RBM46: variants seen among roughly 807,000 people sequenced by gnomAD.
The protein encoded by RBM46 is probable RNA-binding protein 46.
Under a neutral mutation model 43.3 loss-of-function variants are expected in RBM46, and 12 were observed. The ratio of observed to expected loss-of-function variants is 0.28; its 90% CI spans 0.18 to 0.45. RBM46 has a LOEUF of 0.45. RBM46 is among the 20% of genes least tolerant of loss of function. The pLI is 1.00. For synonymous variants in RBM46, 205 were observed against 207.6 expected, an observed-to-expected ratio of 0.99 and a Z score of 0.11; for missense variants, 412 against 639.1, an observed-to-expected ratio of 0.64 and a Z score of 3.83.
chr4:154,818,831 G>C (rs961427460), intron 4 of RBM46, among the ~76,000 whole-genome samples: 1 of 151,908 alleles, frequency 6.6e-6, no homozygotes. Context: ...TTTTTTATCT[G>C]TAAAAAATTT....
rs542273055 is a variant in RBM46, at chr4:154,798,165, T to C, written c.506T>C (p.Val169Ala). 59 of 1,613,850 alleles carry C rather than the reference T, an allele frequency of 3.7e-5. 2 individuals carry two copies. In the South Asian group the frequency reaches 6.4e-4, roughly 17 times the overall value. ...DEMKKVTEGV[V>A]DVIVYPSATD... ...ATGAAGAAAGTTACAGAAGGAGTTG[T>C]AGATGTCATTGTTTATCCAAGTGCA... The change falls in exon 3 of 5, where the codon GTA (valine) becomes GCA (alanine). Residue 169 changes from valine to alanine, a missense_variant. This residue lies in a region of RBM46 where 48 missense variants were observed against 78.9 expected (regional missense o/e 0.61). Coordinates refer to ENST00000281722, the MANE Select transcript of RBM46 (RefSeq NM_144979.5).
intron 4 of RBM46, chr4:154,827,599 CT>C (rs1736024526): frequency 8.5e-7 from 1 of 1,178,190 alleles, no homozygotes; most frequent in East Asian, 4.4e-5. Context: ...ATAATCAAAA[CT>C]CCAAGAAATA....
At chr4:154,789,451 G>T (rs1260974237) in intron 1 of RBM46, among the ~76,000 whole-genome samples, 1 of 152,138 alleles carries the variant, frequency 6.6e-6, no homozygotes, top group South Asian at 2.1e-4. Flanking sequence ...TTTGTCTTTG[G>T]TTCTGTTTAT....
At chr4:154,825,823 G>T (rs545630887) in intron 4 of RBM46, among the ~76,000 whole-genome samples, 1 of 152,268 alleles carries the variant, frequency 6.6e-6, no homozygotes, top group African/African-American at 2.4e-5. Flanking sequence ...GATACCTTCA[G>T]TATCCACATT....
intron 2 of RBM46, 66 bp from the exon 3 acceptor site, chr4:154,797,744 AT>A: frequency 9.1e-7 from 1 of 1,097,310 alleles, no homozygotes; most frequent in Non-Finnish European, 1.3e-6. Flanking sequence ...TTGAATGAAT[AT>A]ATGATTGAAT....
intron 4 of RBM46, among the ~76,000 whole-genome samples, chr4:154,800,224 A>C (rs1435724154): frequency 6.6e-6 from 1 of 152,136 alleles, no homozygotes; most frequent in Non-Finnish European, 1.5e-5. Context: ...TCATTAAACC[A>C]ATTTATTATA....
chr4:154,790,150 T>C (rs1031962736), intron 1 of RBM46: 11 of 152,216 alleles, frequency 7.2e-5, no homozygotes. Flanking sequence ...TTTTGAAGGT[T>C]TTTTTGTGTC....
At chr4:154,809,067 T>TAGAC (rs10644795) in intron 4 of RBM46, among the ~76,000 whole-genome samples, 86,443 of 151,496 alleles carry the variant, frequency 0.57, 27,135 homozygotes, top group African/African-American at 0.82. Flanking sequence ...ACTTAGTAGA[T>TAGAC]TTAAGATTTT....
At chr4:154,787,769 A>G (rs1185115250) in intron 1 of RBM46, among the ~76,000 whole-genome samples, 3 of 152,220 alleles carry the variant, frequency 2.0e-5, no homozygotes, top group Admixed American at 1.3e-4. Flanking sequence ...ACTGTCTTCC[A>G]CAATGGTTGA....
chr4:154,801,236 C>T (rs1050701551), intron 4 of RBM46, among the ~76,000 whole-genome samples: 5 of 152,112 alleles, frequency 3.3e-5, no homozygotes, highest in Non-Finnish European at 7.4e-5. Context: ...TCCTCAGCCT[C>T]CCAAAGTATA....
intron 4 of RBM46, among the ~76,000 whole-genome samples, chr4:154,813,797 A>C (rs1735298543): frequency 6.6e-6 from 1 of 152,090 alleles, no homozygotes; most frequent in Non-Finnish European, 1.5e-5. Context: ...AGGTGCTAAT[A>C]TAGCAGGCTT....
chr4:154,819,313 A>G (rs575006332), intron 4 of RBM46, among the ~76,000 whole-genome samples: 12 of 152,290 alleles, frequency 7.9e-5, no homozygotes, highest in African/African-American at 2.9e-4. Flanking sequence ...AGTTCCAGTC[A>G]TTCCTTGTTA....
intron 4 of RBM46, among the ~76,000 whole-genome samples, chr4:154,809,069 T>TAGAC: frequency 7.6e-6 from 1 of 130,806 alleles, no homozygotes; most frequent in East Asian, 2.4e-4. Context: ...TTAGTAGATT[T>TAGAC]AAGATTTTTA....
intron 4 of RBM46, among the ~76,000 whole-genome samples, chr4:154,823,206 G>A (rs1223252903): frequency 6.6e-5 from 10 of 151,944 alleles, no homozygotes; most frequent in African/African-American, 2.4e-4. Flanking sequence ...GTCCAGAATA[G>A]GCAAGTCTGT....
At chr4:154,824,262 T>C (rs923879273) in intron 4 of RBM46, among the ~76,000 whole-genome samples, 8 of 152,058 alleles carry the variant, frequency 5.3e-5, no homozygotes, top group African/African-American at 1.9e-4. Context: ...TCTCATATCT[T>C]ACTGGTGTGA....
intron 1 of RBM46, chr4:154,781,736 G>C (rs910548620): frequency 1.3e-5 from 2 of 153,038 alleles, no homozygotes; most frequent in Non-Finnish European, 1.5e-5. Context: ...GCGGCGCCCT[G>C]CGCTCTCCGC....
intron 4 of RBM46, among the ~76,000 whole-genome samples, chr4:154,822,929 A>G (rs1391862908): frequency 6.6e-6 from 1 of 151,872 alleles, no homozygotes; most frequent in Admixed American, 6.6e-5. Flanking sequence ...CTAGTTACTT[A>G]CTAAAGAGAA....
intron 4 of RBM46, among the ~76,000 whole-genome samples, chr4:154,806,112 A>T (rs1734894674): frequency 6.6e-6 from 1 of 151,974 alleles, no homozygotes; most frequent in Admixed American, 6.6e-5. Flanking sequence ...CTTAGTCCTC[A>T]TGAAAATGTA....
intron 4 of RBM46, among the ~76,000 whole-genome samples, chr4:154,805,907 A>G (rs556682358): frequency 1.3e-5 from 2 of 152,088 alleles, no homozygotes; most frequent in African/African-American, 4.8e-5. Context: ...TTTTAACTAC[A>G]GCTCTAACTT....
Sources: allele counts gnomAD v4.1 joint callset (sites outside exome capture counted in the v4.1 genomes callset), GRCh38; gene constraint gnomAD v4.1.1; regional missense constraint gnomAD v4.1.1; transcripts MANE v1.5; gene names NCBI Gene and HGNC (gene_info 2026-07-23, HGNC 2026-07-21).